The following NRK variants were observed in gnomAD, a reference collection of about 807,000 sequenced individuals.
NRK encodes nik-related protein kinase.
In NRK, 67 loss-of-function variants were observed where a neutral mutation model predicts 125.2. That is an observed-to-expected ratio of 0.54 (90% confidence interval 0.44 to 0.66). The LOEUF (loss-of-function observed/expected upper bound fraction) is 0.66. NRK is among the 30% of genes least tolerant of loss of function. The pLI is 0.00. For missense variants in NRK, 1,224 were observed against 1,192.9 expected (o/e 1.03, Z -0.38); for synonymous variants, 458 against 429.0 (o/e 1.07, Z -0.84).
At position 105,944,024 on chromosome X, in the gene NRK, G is replaced by A. The variant is rs2040780975; in HGVS notation, c.4042G>A (p.Glu1348Lys). Residue 1348 changes from glutamate (E) to lysine (K), a missense_variant, in exon 24 of 29, where the codon GAA (glutamate) becomes AAA (lysine). Glu to Lys is a moderately conservative substitution (Grantham distance 56). Transcript: ENST00000243300. ...TGCATGGGCACCAAAGTCCTTTGAT[G>A]AAAGCACTGCTATTAAAGTGAGTGA... ...LYAWAPKSFD[E>K]STAIKVCIDQ... The A allele has an allele frequency of 1.1e-5, 12 of 1,116,422 alleles. No individual in the cohort carries two copies. The highest frequency in any genetic ancestry group is 1.5e-5 in the Non-Finnish European group (12 of 816,617). The allele number at this position is 1,116,422 out of a possible 1,213,427, so 92.0% of individuals were successfully genotyped here. A position where few individuals can be genotyped will look rare whatever the true frequency, so the allele number is the denominator to read the frequency against.
At chrX:105,910,870 C>A (rs1212070025) in intron 13 of NRK, among the ~76,000 whole-genome samples, 1 of 111,655 alleles carries the variant, frequency 9.0e-6, no homozygotes, top group Non-Finnish European at 1.9e-5. Flanking sequence ...AATAGTTTCA[C>A]TGGTATGCAA....
Position 105,927,028 on chromosome X carries a change from T to C in NRK, c.3312+1997T>C, listed in dbSNP as rs933308934. Among the ~76,000 whole-genome samples, 3 of 111,252 alleles carry C rather than the reference T, an allele frequency of 2.7e-5. No homozygotes were observed. In the East Asian group the frequency reaches 8.5e-4, roughly 31 times the overall value. ...CTATTTCTGTGAAGAATGTCATTGG[T>C]ATTTTCATAAGGATTGCATAGAATC... On this transcript the variant is annotated intron_variant, in intron 19 of 28. Coordinates refer to ENST00000243300, the MANE Select transcript of NRK (RefSeq NM_198465.4).
intron 8 of NRK, among the ~76,000 whole-genome samples, chrX:105,900,069 A>G: frequency 9.1e-6 from 1 of 109,884 alleles, no homozygotes; most frequent in South Asian, 4.1e-4. Flanking sequence ...GAAGAAAAAA[A>G]GTACTAAACA....
At chrX:105,936,025 C>T (rs950493930) in intron 21 of NRK, among the ~76,000 whole-genome samples, 10 of 109,470 alleles carry the variant, frequency 9.1e-5, no homozygotes, top group African/African-American at 3.3e-4. Context: ...TTTTAAAATC[C>T]TTTTTTTCAG....
intron 15 of NRK, 27 bp from the exon 16 acceptor site, chrX:105,917,551 G>A: frequency 3.1e-6 from 3 of 965,088 alleles, no homozygotes; most frequent in Non-Finnish European, 4.2e-6. Flanking sequence ...TTAGGACATG[G>A]CACATGCTTT....
chrX:105,958,193 A>G lies in NRK; in HGVS notation c.*2593A>G, dbSNP rs949416980. ...GAAAATGATGGATAAAAGGGCTGAT[A>G]AGAAAATTTCTGACTGTCAGTAGAA... On this transcript the variant is annotated 3_prime_UTR_variant, in exon 29 of 29. Transcript: ENST00000243300. The G allele has an allele frequency of 8.9e-5, 10 of 112,500 alleles. No homozygotes were observed. The highest frequency in any genetic ancestry group is 5.6e-5 in the Non-Finnish European group (3 of 53,329). 9.3% of individuals were successfully genotyped at this position (112,500 alleles called of 1,213,427 possible).
chrX:105,932,156 A>C lies in NRK; in HGVS notation c.3313-2102A>C, dbSNP rs1035881175. ...TTATCCACATTGCAGCATGTATCAG[A>C]ATTTCATTCCTTTTCAAGGGTGAAT... On this transcript the variant is annotated intron_variant, in intron 19 of 28. Coordinates refer to ENST00000243300, the MANE Select transcript of NRK (RefSeq NM_198465.4). 2.7e-5 allele frequency among the ~76,000 whole-genome samples: 3 copies of C among 112,093 alleles called. No individual in the cohort carries two copies. The East Asian group carries it at 8.5e-4, about 32-fold the overall frequency.
At chrX:105,888,467 C>T in intron 5 of NRK, 48 bp downstream of exon 5, 1 of 1,039,879 alleles carries the variant, frequency 9.6e-7, no homozygotes, top group Admixed American at 3.0e-5. Context: ...TAAGTTTTAC[C>T]CAAGGATGTA....
At chrX:105,879,604 G>T (rs192098906) in intron 2 of NRK, among the ~76,000 whole-genome samples, 65 of 111,048 alleles carry the variant, frequency 5.9e-4, no homozygotes, top group African/African-American at 2.0e-3. Flanking sequence ...TGGTTCATAT[G>T]ATTCAGGACA....
At chrX:105,871,059 C>A (rs183358577) in intron 2 of NRK, among the ~76,000 whole-genome samples, 2 of 111,834 alleles carry the variant, frequency 1.8e-5, no homozygotes, top group African/African-American at 6.5e-5. Context: ...GATATAACTA[C>A]AGAGGGTATC....
chrX:105,952,322 T>C (rs189735612), intron 27 of NRK, among the ~76,000 whole-genome samples: 3 of 112,108 alleles, frequency 2.7e-5, no homozygotes, highest in African/African-American at 9.7e-5. Context: ...GTAATAATAG[T>C]GCTGTTCCTT....
intron 2 of NRK, among the ~76,000 whole-genome samples, chrX:105,835,617 A>G (rs2147645368): frequency 9.5e-6 from 1 of 105,083 alleles, no homozygotes; most frequent in South Asian, 4.0e-4. Flanking sequence ...CCTTCTCCCA[A>G]AATTGGAGGA....
In NRK at chrX:105,890,880, T is replaced by C. The variant is rs180788661; in HGVS notation, c.378+2461T>C. Among the ~76,000 whole-genome samples, 7 of 111,307 alleles carry C rather than the reference T, an allele frequency of 6.3e-5. No individual in the cohort carries two copies. The East Asian group carries it at 2.0e-3, about 32-fold the overall frequency. Reference sequence around the variant, plus strand: ...ATACTATGATTCCTGGAGATGACAGTGATAAAATATGGGAAAATAACTTAA... The same window carrying C: ...ATACTATGATTCCTGGAGATGACAGCGATAAAATATGGGAAAATAACTTAA... On this transcript the variant is annotated intron_variant, in intron 5 of 28. Coordinates refer to ENST00000243300, the MANE Select transcript of NRK (RefSeq NM_198465.4).
intron 19 of NRK, among the ~76,000 whole-genome samples, chrX:105,929,608 A>G (rs1193579529): frequency 9.1e-6 from 1 of 109,615 alleles, no homozygotes; most frequent in Non-Finnish European, 1.9e-5. Context: ...TTGTTAATCT[A>G]TGTTGTTAGG....
At chrX:105,912,789 G>A (rs2040319376) in intron 14 of NRK, 34 bp downstream of exon 14, 1 of 701,897 alleles carries the variant, frequency 1.4e-6, no homozygotes, top group Non-Finnish European at 2.1e-6. Context: ...TGTGACATTA[G>A]TAAGAACCCA....
At chrX:105,888,618 C>T (rs759962509) in intron 5 of NRK, among the ~76,000 whole-genome samples, 199 bp downstream of exon 5, 2 of 110,957 alleles carry the variant, frequency 1.8e-5, no homozygotes, top group African/African-American at 3.3e-5. Flanking sequence ...TAGACATACC[C>T]GAGACTAGGT....
At chrX:105,873,520 G>T (rs183152064) in intron 2 of NRK, among the ~76,000 whole-genome samples, 113 of 111,630 alleles carry the variant, frequency 1.0e-3, no homozygotes, top group African/African-American at 3.6e-3. Flanking sequence ...GCTCATCTCA[G>T]TGATGACTTC....
intron 16 of NRK, among the ~76,000 whole-genome samples, chrX:105,920,570 T>C: frequency 9.1e-6 from 1 of 109,591 alleles, no homozygotes; most frequent in Non-Finnish European, 1.9e-5. Context: ...TTTATTTCCT[T>C]GAGCAGTGGT....
At chrX:105,907,636 A>C (rs1409400572) in intron 11 of NRK, 3 of 112,193 alleles carry the variant, frequency 2.7e-5, no homozygotes, top group African/African-American at 9.7e-5. Flanking sequence ...CCAAAATGTT[A>C]CCTGTAGGAA....
Sources: allele counts gnomAD v4.1 joint callset (sites outside exome capture counted in the v4.1 genomes callset), GRCh38; gene constraint gnomAD v4.1.1; transcripts MANE v1.5; gene names NCBI Gene and HGNC (gene_info 2026-07-23, HGNC 2026-07-21).